The following CNKSR2 variants were observed in gnomAD, a reference collection of about 807,000 sequenced individuals.
CNKSR2 encodes the protein CNK homolog protein 2.
Under a neutral mutation model 84.4 loss-of-function variants are expected in CNKSR2, and 14 were observed. That is an observed-to-expected ratio of 0.17 (90% CI 0.11 to 0.26). The LOEUF (loss-of-function observed/expected upper bound fraction) is 0.26. Among genes scored for constraint, CNKSR2 ranks in the 10% least tolerant of loss-of-function variants. CNKSR2 has a pLI of 1.00. For missense variants in CNKSR2, 485 were observed against 771.2 expected (o/e 0.63, Z 4.40); for synonymous variants, 275 against 277.9 (o/e 0.99, Z 0.10).
intron 13 of CNKSR2, among the ~76,000 whole-genome samples, chrX:21,570,756 G>C (rs1353767813): frequency 8.9e-6 from 1 of 112,174 alleles, no homozygotes; most frequent in African/African-American, 3.2e-5. Flanking sequence ...CCTGAGGAGA[G>C]GAAAAGAGAT....
intron 5 of CNKSR2, among the ~76,000 whole-genome samples, chrX:21,478,890 T>C (rs1447603195): frequency 8.9e-6 from 1 of 111,863 alleles, no homozygotes; most frequent in African/African-American, 3.3e-5. Context: ...GACCACTGTA[T>C]ATATGACCAA....
At chrX:21,584,669 C>G (rs1358170548) in intron 13 of CNKSR2, among the ~76,000 whole-genome samples, 2 of 110,845 alleles carry the variant, frequency 1.8e-5, no homozygotes, top group East Asian at 5.7e-4. Flanking sequence ...AACATCTGGG[C>G]AAAAAACATT....
chrX:21,626,090 A>T (rs898994503), intron 20 of CNKSR2, among the ~76,000 whole-genome samples: 1 of 110,860 alleles, frequency 9.0e-6, no homozygotes, highest in Admixed American at 9.6e-5. Flanking sequence ...ATGTTTTGAG[A>T]AATGAACACA....
At chrX:21,377,199 C>G (rs1000335170) in intron 1 of CNKSR2, among the ~76,000 whole-genome samples, 1 of 111,551 alleles carries the variant, frequency 9.0e-6, no homozygotes, top group Non-Finnish European at 1.9e-5. Context: ...TTTCAAATCC[C>G]AGACTACTTA....
At chrX:21,512,597 G>T (rs1237276505) in intron 8 of CNKSR2, among the ~76,000 whole-genome samples, 1 of 111,058 alleles carries the variant, frequency 9.0e-6, no homozygotes, top group Non-Finnish European at 1.9e-5. Context: ...TAGGATTCTG[G>T]TTTAAGTCTA....
At chrX:21,526,828 G>A (rs748534053) in intron 9 of CNKSR2, 39 bp from the exon 10 acceptor site, 2 of 1,108,990 alleles carry the variant, frequency 1.8e-6, no homozygotes, top group Non-Finnish European at 2.5e-6. Context: ...TTTGTGTGTT[G>A]TTTGTGTGCG....
intron 11 of CNKSR2, among the ~76,000 whole-genome samples, chrX:21,536,471 A>T (rs1325349157): frequency 9.0e-6 from 1 of 110,766 alleles, no homozygotes; most frequent in Non-Finnish European, 1.9e-5. Context: ...AGAATTCAGC[A>T]ATGAAGCCAG....
intron 5 of CNKSR2, among the ~76,000 whole-genome samples, chrX:21,477,413 T>G (rs2091271398): frequency 8.9e-6 from 1 of 111,980 alleles, no homozygotes; most frequent in South Asian, 3.7e-4. Context: ...TTTCTCTTTT[T>G]TTTTCTCCAA....
At chrX:21,577,943 C>T (rs2092329531) in intron 13 of CNKSR2, among the ~76,000 whole-genome samples, 2 of 111,053 alleles carry the variant, frequency 1.8e-5, no homozygotes, top group Non-Finnish European at 3.8e-5. Flanking sequence ...TAATTTATTA[C>T]TGTTAGATTC....
At chrX:21,417,744 G>T (rs968579525) in intron 1 of CNKSR2, among the ~76,000 whole-genome samples, 11 of 111,133 alleles carry the variant, frequency 9.9e-5, no homozygotes, top group African/African-American at 3.6e-4. Context: ...GTTTCCATTG[G>T]CTTGGAATAT....
intron 5 of CNKSR2, among the ~76,000 whole-genome samples, chrX:21,478,764 A>G (rs1315509935): frequency 9.0e-6 from 1 of 111,575 alleles, no homozygotes; most frequent in African/African-American, 3.3e-5. Context: ...GAGGGCTTGG[A>G]GTATCTGTGA....
At position 21,563,888 on chromosome X, in the gene CNKSR2, T is replaced by C. The variant is rs756769930; in HGVS notation, c.1608+436T>C. On this transcript the variant is annotated intron_variant, in intron 13 of 21. Coordinates refer to ENST00000379510, the MANE Select transcript of CNKSR2 (RefSeq NM_014927.5). ...TGGGAAGACGTGAGACACCATTTTA[T>C]GGGGAGAAAGACATGCTGAGAGTCC... is the stretch of plus-strand genomic sequence containing the variant. Among the ~76,000 whole-genome samples the C allele has an allele frequency of 4.5e-5, 5 of 111,048 alleles. No individual in the cohort carries two copies. The South Asian group carries it at 1.5e-3, about 34-fold the overall frequency.
intron 9 of CNKSR2, among the ~76,000 whole-genome samples, chrX:21,521,393 C>G (rs1178851363): frequency 9.0e-6 from 1 of 110,747 alleles, no homozygotes; most frequent in Non-Finnish European, 1.9e-5. Context: ...GTCAAAGGAT[C>G]TAAGTCACAT....
At chrX:21,628,096 G>A (rs748067294) in intron 20 of CNKSR2, among the ~76,000 whole-genome samples, 12 of 111,559 alleles carry the variant, frequency 1.1e-4, no homozygotes, top group African/African-American at 3.9e-4. Flanking sequence ...AAACAAAGGA[G>A]CTACAGGCCC....
chrX:21,591,925 G>A (rs748344556), intron 15 of CNKSR2: 3 of 111,477 alleles, frequency 2.7e-5, no homozygotes, highest in Non-Finnish European at 5.7e-5. Context: ...TTAAAACAAT[G>A]ATTTCTGCTA....
chrX:21,486,677 G>T (rs2091388519), intron 5 of CNKSR2, among the ~76,000 whole-genome samples: 1 of 111,940 alleles, frequency 8.9e-6, no homozygotes, highest in African/African-American at 3.2e-5. Context: ...TAATAATGTT[G>T]TTGAATTATA....
chrX:21,465,029 G>A (rs2091109206), intron 4 of CNKSR2, among the ~76,000 whole-genome samples: 1 of 111,494 alleles, frequency 9.0e-6, no homozygotes, highest in African/African-American at 3.3e-5. Context: ...CTGTGCATTT[G>A]TTCAGTGTGT....
At chrX:21,590,765 T>C in intron 14 of CNKSR2, 145 bp downstream of exon 14, 1 of 544,677 alleles carries the variant, frequency 1.8e-6, no homozygotes, top group Non-Finnish European at 2.9e-6. Flanking sequence ...CAGCTTCTTC[T>C]TCAGTGCAAT....
intron 20 of CNKSR2, among the ~76,000 whole-genome samples, chrX:21,627,380 T>C (rs2092628578): frequency 9.2e-6 from 1 of 109,197 alleles, no homozygotes; most frequent in Non-Finnish European, 1.9e-5. Flanking sequence ...GTGCCTGTAG[T>C]CCCAGCTATT....
Sources: gnomAD v4.1 joint callset for allele counts (sites outside exome capture counted in the v4.1 genomes callset) on GRCh38, gnomAD v4.1.1 for gene constraint, MANE v1.5 for transcripts, NCBI Gene and HGNC (gene_info 2026-07-23, HGNC 2026-07-21) for gene names.